Variants in RGS3 observed in about 807,000 individuals in gnomAD.
RGS3 encodes regulator of G-protein signalling 3.
RGS3 carries 80 observed loss-of-function variants against 132.6 expected under a neutral mutation model. The observed-to-expected ratio is 0.60, with a 90% confidence interval of 0.50 to 0.73. RGS3 has a LOEUF of 0.73. Among genes scored for constraint, RGS3 ranks in the 30% least tolerant of loss-of-function variants. The pLI is 0.00. For synonymous variants in RGS3, 598 were observed against 620.6 expected, an observed-to-expected ratio of 0.96 and a Z score of 0.54; for missense variants, 1,382 against 1,530.8, an observed-to-expected ratio of 0.90 and a Z score of 1.62.
intron 20 of RGS3, among the ~76,000 whole-genome samples, chr9:113,588,101 A>G (rs1835213811): frequency 2.6e-5 from 4 of 152,202 alleles, no homozygotes; most frequent in Non-Finnish European, 5.9e-5. Context: ...CACAGGCTGC[A>G]GCCCTTCCCT....
chr9:113,588,274 A>G (rs969336300), intron 20 of RGS3, among the ~76,000 whole-genome samples: 30 of 152,208 alleles, frequency 2.0e-4, no homozygotes, highest in African/African-American at 7.0e-4. Flanking sequence ...CAAGCCTCCT[A>G]TTTTTAAAAA....
chr9:113,500,251 G>T (rs1333819424), intron 10 of RGS3, among the ~76,000 whole-genome samples: 1 of 152,210 alleles, frequency 6.6e-6, no homozygotes. Context: ...GCCCCCAGAG[G>T]CCATCTCTTC....
At chr9:113,505,161 G>A in intron 10 of RGS3, 2 of 469,552 alleles carry the variant, frequency 4.3e-6, no homozygotes, top group South Asian at 2.8e-5. Context: ...GCTCAGGATG[G>A]CAAAGTTTGC....
Position 113,537,496 on chromosome 9 carries a change from T to G in RGS3, c.2037+578T>G, listed in dbSNP as rs1042639567. On this transcript the variant is annotated intron_variant, in intron 19 of 24. Transcript: ENST00000350696. This position sits in a 1 kb window ranked among gnomAD's most constrained non-coding sequence, Gnocchi z 4.3. ...GGCACTGCTCAGCCCATCCAGTGCCTGGGGAGAGGGGATGGGATAGGAGCT... is the reference window on the plus strand; with the variant it reads ...GGCACTGCTCAGCCCATCCAGTGCCGGGGGAGAGGGGATGGGATAGGAGCT... Among the ~76,000 whole-genome samples the G allele has an allele frequency of 1.2e-4, 19 of 152,102 alleles. No individual in the cohort carries two copies. Among genetic ancestry groups the G allele is most frequent in the Non-Finnish European group, 1.5e-5 (1 of 67,992 alleles).
intron 19 of RGS3, among the ~76,000 whole-genome samples, chr9:113,562,993 T>A (rs908021993): frequency 1.7e-4 from 26 of 152,226 alleles, no homozygotes; most frequent in African/African-American, 6.0e-4. Context: ...CCTGTTGATT[T>A]GTGTCTGGAG....
intron 3 of RGS3, chr9:113,478,957 G>A (rs74815512): frequency 0.013 from 2,099 of 160,324 alleles, 69 homozygotes; most frequent in East Asian, 0.11. Context: ...TTTCTATATT[G>A]ATGAACATTT....
chr9:113,457,409 T>C (rs1031942135), upstream of RGS3, among the ~76,000 whole-genome samples: 1 of 152,216 alleles, frequency 6.6e-6, no homozygotes, highest in East Asian at 1.9e-4. Context: ...GTTTCCTCTA[T>C]TGTAATGCTT....
chr9:113,550,995 A>G (rs916090980), intron 19 of RGS3, among the ~76,000 whole-genome samples: 1 of 152,214 alleles, frequency 6.6e-6, no homozygotes, highest in Non-Finnish European at 1.5e-5. Flanking sequence ...CATACAATTC[A>G]CCCATTTAAA....
intron 7 of RGS3, among the ~76,000 whole-genome samples, chr9:113,487,333 G>A (rs376198829): frequency 2.0e-5 from 3 of 150,450 alleles, no homozygotes; most frequent in South Asian, 2.1e-4. Context: ...GGATGGTCTC[G>A]ATCTCCTGAC....
Position 113,507,183 on chromosome 9 carries a change from T to C in RGS3, c.1086-104T>C. ...CACTGGGGGCTTCCCCTCTGGTGTCTGCCTCCTCTTCCCCCATTATCCTCT... is the reference window on the plus strand; with the variant it reads ...CACTGGGGGCTTCCCCTCTGGTGTCCGCCTCCTCTTCCCCCATTATCCTCT... On this transcript the variant is annotated intron_variant, in intron 12 of 24. Transcript: ENST00000350696. The surrounding 1 kb of genome is among the most constrained non-coding windows in gnomAD (Gnocchi z 5.0). 2 of 905,482 alleles carry C rather than the reference T, an allele frequency of 2.2e-6. No homozygotes were observed. Among genetic ancestry groups the C allele is most frequent in the Non-Finnish European group, 3.3e-6 (2 of 598,062 alleles). The allele number at this position is 905,482 out of a possible 1,614,324, so 56.1% of individuals were successfully genotyped here.
chr9:113,480,147 G>A (rs1488193608), intron 4 of RGS3, among the ~76,000 whole-genome samples: 1 of 152,130 alleles, frequency 6.6e-6, no homozygotes, highest in African/African-American at 2.4e-5. Context: ...TCAATCCTGT[G>A]TAAGTTTTTG....
chr9:113,543,363 C>T (rs1004467427), intron 19 of RGS3, among the ~76,000 whole-genome samples: 4 of 152,236 alleles, frequency 2.6e-5, no homozygotes, highest in Admixed American at 2.6e-4. Context: ...CTCCTCTCAA[C>T]CTAGGAAAGA....
At chr9:113,492,445 T>A (rs1162931600) in intron 7 of RGS3, among the ~76,000 whole-genome samples, 1 of 152,232 alleles carries the variant, frequency 6.6e-6, no homozygotes, top group African/African-American at 2.4e-5. Context: ...ATCCCCTGTA[T>A]TGCTGTCTTG....
intron 20 of RGS3, chr9:113,589,790 G>A (rs1310424638): frequency 1.3e-5 from 2 of 152,194 alleles, no homozygotes; most frequent in African/African-American, 4.8e-5. Context: ...TGGGCCTTGG[G>A]GTCCAGAGTT....
At chr9:113,573,336 G>A (rs1344821042) in intron 19 of RGS3, among the ~76,000 whole-genome samples, 2 of 152,118 alleles carry the variant, frequency 1.3e-5, no homozygotes, top group Non-Finnish European at 2.9e-5. Flanking sequence ...TTGGTCCCTG[G>A]TGCCCACTCA....
chr9:113,453,193 TAC>T (rs1455900614), intron 1 of RGS3, among the ~76,000 whole-genome samples: 5 of 125,418 alleles, frequency 4.0e-5, no homozygotes, highest in African/African-American at 1.5e-4. Context: ...ATTATATGAT[TAC>T]ATAATATACT....
In RGS3 at chr9:113,566,392, C is replaced by T. The variant is rs147364467; in HGVS notation, c.2038-17058C>T. On this transcript the variant is annotated intron_variant, in intron 19 of 24. Coordinates refer to ENST00000350696, the Ensembl canonical transcript of RGS3. Reference sequence around the variant, plus strand: ...ACACCACAGAGCTGGCCACTGTGAGCAGACAGAGGCTAATTCTTTTCCCAG... The same window carrying T: ...ACACCACAGAGCTGGCCACTGTGAGTAGACAGAGGCTAATTCTTTTCCCAG... Among the ~76,000 whole-genome samples, 3 of 152,314 alleles carry T rather than the reference C, an allele frequency of 2.0e-5. No individual in the cohort carries two copies. In the East Asian group the frequency reaches 5.8e-4, roughly 29 times the overall value.
intron 3 of RGS3, among the ~76,000 whole-genome samples, chr9:113,474,701 T>C (rs1011764255): frequency 6.6e-6 from 1 of 152,194 alleles, no homozygotes; most frequent in African/African-American, 2.4e-5. Flanking sequence ...TCACCCTTCC[T>C]GTAGCTTTTA....
intron 10 of RGS3, chr9:113,504,928 G>A (rs1831063221): frequency 6.4e-6 from 1 of 155,314 alleles, no homozygotes; most frequent in African/African-American, 2.4e-5. Context: ...CCCTTGGCCT[G>A]AGATGGAGTG....
Sources: allele counts gnomAD v4.1 joint callset (sites outside exome capture counted in the v4.1 genomes callset), GRCh38; gene constraint gnomAD v4.1.1; non-coding constraint Gnocchi (gnomAD v3.1); transcripts MANE v1.5; gene names NCBI Gene and HGNC (gene_info 2026-07-23, HGNC 2026-07-21).